SMARCA4: variants seen among roughly 807,000 people sequenced by gnomAD.
The protein encoded by SMARCA4 is SWI/SNF related BAF chromatin remodeling complex subunit ATPase 4.
A neutral mutation model predicts 193.9 loss-of-function variants in SMARCA4; 31 were observed. The observed-to-expected ratio is 0.16, with a 90% confidence interval of 0.12 to 0.22. The LOEUF is 0.22. SMARCA4 is among the 10% of genes least tolerant of loss of function. The pLI, the probability that SMARCA4 is intolerant of heterozygous loss-of-function variation, is 1.00. For missense variants in SMARCA4, 1,148 were observed against 2,296.0 expected, an observed-to-expected ratio of 0.50 and a Z score of 10.22; for synonymous variants, 942 against 933.1, an observed-to-expected ratio of 1.01 and a Z score of -0.17.
At chr19:11,039,247 G>C (rs2075435393) in intron 29 of SMARCA4, among the ~76,000 whole-genome samples, 1 of 152,078 alleles carries the variant, frequency 6.6e-6, no homozygotes, top group Non-Finnish European at 1.5e-5. Context: ...CCAGCTACTT[G>C]GGAGGCTGAG....
In SMARCA4 at chr19:11,060,175, G is replaced by A. The variant is rs982968342; in HGVS notation, c.4899G>A (p.Glu1633=). The A allele has an allele frequency of 1.3e-6, 2 of 1,551,084 alleles. No homozygotes were observed. Among genetic ancestry groups the A allele is most frequent in the Non-Finnish European group, 1.7e-6 (2 of 1,146,708 alleles). ...KPVVSDDDSE[E]EQEEDRSGSG... Reference sequence around the variant, plus strand: ...TCGTGAGTGACGATGACAGTGAGGAGGAACAAGAGGAGGTGAGGCCGGGCC... The same window carrying A: ...TCGTGAGTGACGATGACAGTGAGGAAGAACAAGAGGAGGTGAGGCCGGGCC... The change falls in exon 34 of 35, where the codon GAG becomes GAA. Residue 1633 remains glutamate, a synonymous_variant. Transcript: ENST00000344626.
rs1600084648 is a variant in SMARCA4, at chr19:10,996,490, C to A, written c.1762-4C>A. ...GGCCTGACCGTGTCTCTCTCTATTTCCAGAAGGCAGAAAATGCAGAAGGAC... is the reference window on the plus strand; with the variant it reads ...GGCCTGACCGTGTCTCTCTCTATTTACAGAAGGCAGAAAATGCAGAAGGAC... On this transcript the variant is annotated splice_region_variant and splice_polypyrimidine_tract_variant and intron_variant, in intron 10 of 34. Coordinates refer to ENST00000344626, the MANE Select transcript of SMARCA4 (RefSeq NM_003072.5). 1 of 1,614,218 alleles carries A rather than the reference C, an allele frequency of 6.2e-7. No individual in the cohort carries two copies. Among genetic ancestry groups the A allele is most frequent in the Non-Finnish European group, 8.5e-7 (1 of 1,180,008 alleles).
intron 11 of SMARCA4, among the ~76,000 whole-genome samples, chr19:10,997,062 C>T (rs2087131862): frequency 6.6e-6 from 1 of 151,912 alleles, no homozygotes; most frequent in African/African-American, 2.4e-5. Flanking sequence ...CTCTTTTGCC[C>T]AGGCTAGAGT....
At chr19:11,059,010 C>A (rs1285150223) in intron 32 of SMARCA4, 121 bp downstream of exon 32, 6 of 793,736 alleles carry the variant, frequency 7.6e-6, no homozygotes, top group Middle Eastern at 2.3e-4. Flanking sequence ...TGTGGTGGTT[C>A]GTGCCTGTAA....
In SMARCA4 at chr19:10,987,795, C is replaced by T. The variant is rs1555755082; in HGVS notation, c.989C>T (p.Thr330Ile). ...PAASPVMPPQ[T>I]QSPGQPAQPA... ...GCCTCGCCCGTGATGCCACCGCAGACCCAGTCCCCCGGGCAGCCGGCCCAG... is the reference window on the plus strand; with the variant it reads ...GCCTCGCCCGTGATGCCACCGCAGATCCAGTCCCCCGGGCAGCCGGCCCAG... Residue 330 changes from threonine (T) to isoleucine (I), a missense_variant, in exon 6 of 35, where the codon ACC becomes ATC. Thr to Ile is a moderately conservative substitution (Grantham distance 89, BLOSUM62 -1). Coordinates refer to ENST00000344626, the MANE Select transcript of SMARCA4 (RefSeq NM_003072.5). This position sits in a 1 kb window ranked among gnomAD's most constrained non-coding sequence, Gnocchi z 5.3. 1.2e-6 allele frequency: 2 copies of T among 1,602,486 alleles called. No homozygotes were observed. Among genetic ancestry groups the T allele is most frequent in the Non-Finnish European group, 1.7e-6 (2 of 1,175,264 alleles).
rs982498848 is a variant in SMARCA4 at position 10,986,681 on chromosome 19, G to A, written c.760+88G>A. ...GGTGGACAGACCGTGCTCTGTTGCC[G>A]ACTGGGTTCCCCGGTTTGGGATTGC... On this transcript the variant is annotated intron_variant, in intron 4 of 34. Transcript: ENST00000344626. The surrounding 1 kb of genome is among the most constrained non-coding windows in gnomAD (Gnocchi z 6.7). 13 of 1,524,670 alleles carry A rather than the reference G, an allele frequency of 8.5e-6. No individual in the cohort carries two copies. The highest frequency in any genetic ancestry group is 4.9e-5 in the East Asian group (2 of 40,888). The allele number at this position is 1,524,670 out of a possible 1,614,324, so 94.4% of individuals were successfully genotyped here. A position where few individuals can be genotyped will look rare whatever the true frequency, so the allele number is the denominator to read the frequency against.
Position 11,030,618 on chromosome 19 carries a change from GA to G in SMARCA4, c.3383-111del, listed in dbSNP as rs1191525146. On this transcript the variant is annotated intron_variant, in intron 24 of 34. Transcript: ENST00000344626. The surrounding 1 kb of genome is among the most constrained non-coding windows in gnomAD (Gnocchi z 5.5). ...GAGAGTGCGGAGCCAGGGATCTGGG[GA>G]TGCTGGCAGGTGCTGATCCTGCTCC... 3 of 951,716 alleles carry G rather than the reference GA, an allele frequency of 3.2e-6. No homozygotes were observed. The African/African-American group carries it at 4.9e-5, about 15-fold the overall frequency. 59.0% of individuals were successfully genotyped at this position (951,716 alleles called of 1,614,324 possible).
chr19:11,037,332 G>C (rs997024693), intron 29 of SMARCA4, among the ~76,000 whole-genome samples: 1 of 152,000 alleles, frequency 6.6e-6, no homozygotes, highest in Non-Finnish European at 1.5e-5. Context: ...CTGTTCCCTC[G>C]CCCGCTGATT....
chr19:11,059,722 A>T (rs2147111755), intron 32 of SMARCA4, 31 bp from the exon 33 acceptor site: 1 of 1,552,914 alleles, frequency 6.4e-7, no homozygotes, highest in Non-Finnish European at 8.7e-7. Flanking sequence ...AGTCGGGCCC[A>T]TCCACTCAAG....
intron 16 of SMARCA4, among the ~76,000 whole-genome samples, chr19:11,016,708 A>G (rs1006621263): frequency 6.6e-6 from 1 of 152,164 alleles, no homozygotes; most frequent in African/African-American, 2.4e-5. Flanking sequence ...ACTCCAGGCT[A>G]CGCACCAGTG....
rs557611959 is a variant in SMARCA4 at position 11,000,852 on chromosome 19, T to G, written c.1813-2177T>G. The stretch of plus-strand genomic sequence containing the variant: ...TCCAGCCTGGGCGACAGAGTGAGAC[T>G]CTGTCTCAAAAAAAAAAAAAAAAAG... On this transcript the variant is annotated intron_variant, in intron 11 of 34. Coordinates refer to ENST00000344626, the MANE Select transcript of SMARCA4 (RefSeq NM_003072.5). Among the ~76,000 whole-genome samples the G allele has an allele frequency of 3.4e-5, 5 of 148,892 alleles. No individual in the cohort carries two copies. The East Asian group carries it at 1.0e-3, about 30-fold the overall frequency.
chr19:11,009,007 CTTTT>C lies in SMARCA4; in HGVS notation c.2123+1015_2123+1018del, dbSNP rs762148337. On this transcript the variant is annotated intron_variant, in intron 14 of 34. Transcript: ENST00000344626. ...AAAAAATGTAGGTGGATAAAAGTCA[CTTTT>C]TTTTTTTTTTTTTTTTTTTTTTTTT... Among the ~76,000 whole-genome samples, 21 of 40,952 alleles carry C rather than the reference CTTTT, an allele frequency of 5.1e-4. No individual in the cohort carries two copies. The South Asian group carries it at 5.2e-3, about 10-fold the overall frequency. The allele number at this position is 40,952 out of a possible 152,430, so 26.9% of individuals were successfully genotyped here.
intron 1 of SMARCA4, among the ~76,000 whole-genome samples, chr19:10,967,045 G>A (rs552994071): frequency 4.6e-5 from 7 of 152,248 alleles, no homozygotes; most frequent in Admixed American, 3.3e-4. Context: ...GAGACATAGC[G>A]GACTCATTAG....
At chr19:11,046,930 A>G (rs1568538827) in intron 30 of SMARCA4, among the ~76,000 whole-genome samples, 1 of 145,582 alleles carries the variant, frequency 6.9e-6, no homozygotes. Context: ...CATGGGTGAC[A>G]GAGGTGAGAC....
intron 1 of SMARCA4, chr19:10,977,587 G>A (rs1313309379): frequency 2.0e-5 from 3 of 152,256 alleles, no homozygotes. Flanking sequence ...GCCTCCCAAA[G>A]TGCTGGGATT....
chr19:10,994,768 G>T (rs1436990101), intron 8 of SMARCA4, 60 bp from the exon 9 acceptor site: 5 of 1,463,854 alleles, frequency 3.4e-6, no homozygotes, highest in Non-Finnish European at 4.8e-6. Flanking sequence ...CAAGCCTTGC[G>T]GGGAGATGTG....
At chr19:10,998,218 C>CT (rs1156357993) in intron 11 of SMARCA4, among the ~76,000 whole-genome samples, 1 of 152,182 alleles carries the variant, frequency 6.6e-6, no homozygotes, top group Non-Finnish European at 1.5e-5. Flanking sequence ...TGGCCCCGGA[C>CT]TTTGGTTTGT....
chr19:10,968,767 G>A (rs562328393), intron 1 of SMARCA4, among the ~76,000 whole-genome samples: 1 of 152,294 alleles, frequency 6.6e-6, no homozygotes, highest in South Asian at 2.1e-4. Flanking sequence ...TGAGGGGGAG[G>A]GTCTGCTGTG....
intron 1 of SMARCA4, among the ~76,000 whole-genome samples, chr19:10,971,946 G>T (rs1216410088): frequency 6.7e-6 from 1 of 149,706 alleles, no homozygotes; most frequent in Non-Finnish European, 1.5e-5. Flanking sequence ...GCACCACCAC[G>T]CTTGGCTAAT....
Sources: gnomAD v4.1 joint callset for allele counts (sites outside exome capture counted in the v4.1 genomes callset) on GRCh38, gnomAD v4.1.1 for gene constraint, Gnocchi (gnomAD v3.1) non-coding constraint, MANE v1.5 for transcripts, NCBI Gene and HGNC (gene_info 2026-07-23, HGNC 2026-07-21) for gene names.